The following PPP1R21 variants were observed in gnomAD, a reference collection of about 807,000 sequenced individuals.
PPP1R21 encodes the protein protein phosphatase 1 regulatory subunit 21.
A neutral mutation model predicts 112.8 loss-of-function variants in PPP1R21; 85 were observed. The observed-to-expected ratio is 0.75, with a 90% CI of 0.63 to 0.90. PPP1R21 has a LOEUF of 0.90. PPP1R21 is among the 40% of genes least tolerant of loss of function. The pLI is 0.00. For synonymous variants in PPP1R21, 381 were observed against 322.3 expected, an observed-to-expected ratio of 1.18 and a Z score of -1.95; for missense variants, 1,199 against 901.5, an observed-to-expected ratio of 1.33 and a Z score of -4.23.
chr2:48,464,717 T>C (rs535324441), intron 7 of PPP1R21, among the ~76,000 whole-genome samples: 1 of 152,262 alleles, frequency 6.6e-6, no homozygotes, highest in African/African-American at 2.4e-5. Flanking sequence ...ACTGGATTTG[T>C]TTGGGTTTTT....
chr2:48,497,928 G>T (rs146160966), intron 16 of PPP1R21, among the ~76,000 whole-genome samples: 6 of 152,078 alleles, frequency 3.9e-5, no homozygotes, highest in Admixed American at 6.6e-5. Flanking sequence ...TGGGATTACA[G>T]TCATGAGCCA....
At position 48,495,682 on chromosome 2, in the gene PPP1R21, C is replaced by T; in HGVS notation, c.1603C>T (p.Leu535Phe). The change falls in exon 16 of 22, where the codon CTC becomes TTC. Residue 535 changes from leucine to phenylalanine, a missense_variant. Transcript: ENST00000294952. ...TCTTATGATGCTTTTATCATAGCCC[C>T]TCTTGGAGTCTGTGCCTTATGAAGA... ...AAYMKSLRKPLLESVPYEEAL... is the reference protein window; with the variant it reads ...AAYMKSLRKPFLESVPYEEAL... 2 of 1,594,048 alleles carry T rather than the reference C, an allele frequency of 1.3e-6. No homozygotes were observed. The highest frequency in any genetic ancestry group is 1.7e-4 in the Middle Eastern group (1 of 6,034).
chr2:48,499,591 T>TA (rs2103638561), intron 17 of PPP1R21, among the ~76,000 whole-genome samples: 1 of 152,168 alleles, frequency 6.6e-6, no homozygotes, highest in African/African-American at 2.4e-5. Flanking sequence ...CAAGTAATAA[T>TA]AAAAAAGAAA....
chr2:48,483,056 G>A (rs1031104913), intron 13 of PPP1R21, among the ~76,000 whole-genome samples: 7 of 151,928 alleles, frequency 4.6e-5, no homozygotes, highest in Non-Finnish European at 4.4e-5. Context: ...CTGTTTCTGC[G>A]TTAGTTTGCT....
intron 20 of PPP1R21, 92 bp from the exon 21 acceptor site, chr2:48,511,248 C>A: frequency 8.0e-7 from 1 of 1,246,236 alleles, no homozygotes; most frequent in South Asian, 1.5e-5. Context: ...CTATAATTTC[C>A]CTACTCCACA....
intron 1 of PPP1R21, among the ~76,000 whole-genome samples, chr2:48,446,105 A>G (rs1443354149): frequency 6.8e-6 from 1 of 147,108 alleles, no homozygotes; most frequent in East Asian, 1.9e-4. Context: ...ATAAATGTCA[A>G]AAAAAGTCCA....
rs533020340 is a variant in PPP1R21 at position 48,465,727 on chromosome 2, C to A, written c.897+85C>A. ...TTTTTAGACCTCTTCTGTGCACCAT[C>A]CAAGTACTGCAAAGGACATGGAAAA... On this transcript the variant is annotated intron_variant, in intron 9 of 21. Transcript: ENST00000294952. 16 of 1,203,324 alleles carry A rather than the reference C, an allele frequency of 1.3e-5. No individual in the cohort carries two copies. In the East Asian group the frequency reaches 3.7e-4, roughly 28 times the overall value. The allele number at this position is 1,203,324 out of a possible 1,614,324, so 74.5% of individuals were successfully genotyped here.
intron 17 of PPP1R21, among the ~76,000 whole-genome samples, chr2:48,504,330 A>G (rs973007414): frequency 1.3e-5 from 2 of 152,186 alleles, no homozygotes; most frequent in African/African-American, 4.8e-5. Context: ...CTCCAGAGGA[A>G]ATTATTTAGA....
At chr2:48,482,324 A>C (rs1425460969) in intron 13 of PPP1R21, among the ~76,000 whole-genome samples, 1 of 152,178 alleles carries the variant, frequency 6.6e-6, no homozygotes, top group Non-Finnish European at 1.5e-5. Context: ...GTATAGGGTG[A>C]TTTATTGGGG....
intron 18 of PPP1R21, 22 bp downstream of exon 18, chr2:48,505,618 G>A: frequency 1.3e-6 from 2 of 1,539,660 alleles, no homozygotes; most frequent in South Asian, 1.2e-5. Flanking sequence ...TTGTCATCAT[G>A]TTGTTTGTTA....
At chr2:48,482,925 A>G (rs376669041) in intron 13 of PPP1R21, among the ~76,000 whole-genome samples, 4 of 151,904 alleles carry the variant, frequency 2.6e-5, no homozygotes, top group South Asian at 2.1e-4. Context: ...TCCTGATGCT[A>G]TCCCTCCTCC....
chr2:48,488,799 A>G (rs1173729662), intron 14 of PPP1R21, among the ~76,000 whole-genome samples: 1 of 152,216 alleles, frequency 6.6e-6, no homozygotes, highest in Admixed American at 6.5e-5. Context: ...ATATGATTTG[A>G]TTAACCTAAT....
intron 12 of PPP1R21, 97 bp downstream of exon 12, chr2:48,474,916 A>T (rs565619908): frequency 1.0e-4 from 106 of 1,041,704 alleles, no homozygotes; most frequent in Middle Eastern, 5.1e-4. Context: ...TGAGAGGAGC[A>T]TAGGATCTGG....
At chr2:48,489,590 T>G (rs912328909) in intron 14 of PPP1R21, among the ~76,000 whole-genome samples, 1 of 151,836 alleles carries the variant, frequency 6.6e-6, no homozygotes, top group African/African-American at 2.4e-5. Flanking sequence ...TACCCCTGCC[T>G]CAGCCTCTCA....
chr2:48,467,801 C>T (rs966384907), intron 9 of PPP1R21, among the ~76,000 whole-genome samples: 1 of 152,132 alleles, frequency 6.6e-6, no homozygotes, highest in Non-Finnish European at 1.5e-5. Context: ...CCAAAAATAC[C>T]AGGAAGTGGA....
At chr2:48,498,778 C>T (rs1430701434) in intron 17 of PPP1R21, 43 bp downstream of exon 17, 2 of 1,596,452 alleles carry the variant, frequency 1.3e-6, no homozygotes, top group Middle Eastern at 1.7e-4. Context: ...TTTTTAAATG[C>T]TAATTGGTAA....
chr2:48,511,048 T>C (rs1330712601), intron 20 of PPP1R21, among the ~76,000 whole-genome samples: 1 of 152,160 alleles, frequency 6.6e-6, no homozygotes, highest in Admixed American at 6.5e-5. Context: ...TTTTAAAAAA[T>C]TGATGTAAAT....
At chr2:48,451,805 G>A (rs946373301) in intron 2 of PPP1R21, among the ~76,000 whole-genome samples, 3 of 152,152 alleles carry the variant, frequency 2.0e-5, no homozygotes, top group African/African-American at 7.2e-5. Context: ...AGACAGATGG[G>A]ATTAGGATTC....
intron 13 of PPP1R21, among the ~76,000 whole-genome samples, chr2:48,485,872 TATACAATTGTATATAC>T (rs1669262103): frequency 1.1e-3 from 2 of 1,762 alleles, no homozygotes; most frequent in Non-Finnish European, 7.8e-3. Context: ...TTAACTAATA[TATACAATTGTATATAC>T]TAACTAATAT....
Sources: gnomAD v4.1 joint callset for allele counts (sites outside exome capture counted in the v4.1 genomes callset) on GRCh38, gnomAD v4.1.1 for gene constraint, MANE v1.5 for transcripts, NCBI Gene and HGNC (gene_info 2026-07-23, HGNC 2026-07-21) for gene names.